The following DOCK3 variants were observed in gnomAD, a reference collection of about 807,000 sequenced individuals.
DOCK3 encodes dedicator of cytokinesis 3.
DOCK3 carries 60 observed loss-of-function variants against 265.6 expected under a neutral mutation model. The ratio of observed to expected loss-of-function variants is 0.23; its 90% confidence interval spans 0.18 to 0.28. The LOEUF (loss-of-function observed/expected upper bound fraction) is 0.28. Among genes scored for constraint, DOCK3 ranks in the 10% least tolerant of loss-of-function variants. The probability of loss-of-function intolerance (pLI) is 1.00; values close to 1 mark genes in which losing one functional copy is unlikely to be tolerated. For missense variants in DOCK3, 1,981 were observed against 2,594.3 expected (o/e 0.76, Z 5.14); for synonymous variants, 881 against 938.0 (o/e 0.94, Z 1.11).
intron 9 of DOCK3, among the ~76,000 whole-genome samples, chr3:51,110,985 C>T (rs1560076359): frequency 6.6e-6 from 1 of 152,166 alleles, no homozygotes. Context: ...AGCAAAGTTT[C>T]AGAATACAAA....
At chr3:51,176,776 G>C (rs1343266143) in intron 12 of DOCK3, among the ~76,000 whole-genome samples, 3 of 152,128 alleles carry the variant, frequency 2.0e-5, no homozygotes, top group South Asian at 4.1e-4. Flanking sequence ...CTATGAACTA[G>C]TGAATCAAAT....
chr3:50,820,822 ATC>A (rs1333906933), intron 2 of DOCK3, among the ~76,000 whole-genome samples: 1 of 94,096 alleles, frequency 1.1e-5, no homozygotes, highest in African/African-American at 3.7e-5. Flanking sequence ...CCTTGCTGGC[ATC>A]TTTTTTTTTT....
chr3:50,707,020 A>G (rs1397290946), intron 1 of DOCK3, among the ~76,000 whole-genome samples: 3 of 152,018 alleles, frequency 2.0e-5, no homozygotes, highest in Non-Finnish European at 4.4e-5. Context: ...TTGTTTAAAA[A>G]TGTGTAGTGT....
chr3:50,841,003 C>G (rs572838963), intron 2 of DOCK3, among the ~76,000 whole-genome samples: 2 of 152,168 alleles, frequency 1.3e-5, no homozygotes, highest in Non-Finnish European at 2.9e-5. Flanking sequence ...TTAAATACAA[C>G]TCTTGGCTTC....
intron 5 of DOCK3, among the ~76,000 whole-genome samples, chr3:51,041,740 T>C (rs899279997): frequency 6.6e-6 from 1 of 152,122 alleles, no homozygotes; most frequent in Non-Finnish European, 1.5e-5. Flanking sequence ...AATATTCTAG[T>C]AAACTAGCTG....
At chr3:51,307,521 T>C (rs1054020209) in intron 27 of DOCK3, among the ~76,000 whole-genome samples, 1 of 152,236 alleles carries the variant, frequency 6.6e-6, no homozygotes. Context: ...CTTAAATGCC[T>C]TAAATCAATA....
rs557177000 is a variant in DOCK3, at chr3:50,793,677, T to C, written c.121+14919T>C. Among the ~76,000 whole-genome samples the C allele has an allele frequency of 4.6e-5, 7 of 152,286 alleles. 2 individuals carry two copies. Among genetic ancestry groups the C allele is most frequent in the African/African-American group, 1.7e-4 (7 of 41,570 alleles). On this transcript the variant is annotated intron_variant, in intron 2 of 52. Coordinates refer to ENST00000266037, the MANE Select transcript of DOCK3 (RefSeq NM_004947.5). ...CTGGCCTATTTTATTAATTTTCTTT[T>C]CAAAAATTCAACCCCTGCCTTCAAT... is the stretch of plus-strand genomic sequence containing the variant.
chr3:50,701,769 A>G (rs1424020594), intron 1 of DOCK3, among the ~76,000 whole-genome samples: 1 of 152,152 alleles, frequency 6.6e-6, no homozygotes, highest in Non-Finnish European at 1.5e-5. Flanking sequence ...GTCTAGTTTC[A>G]TTCTTCTACA....
intron 9 of DOCK3, among the ~76,000 whole-genome samples, chr3:51,142,258 C>T (rs891421522): frequency 1.3e-5 from 2 of 152,184 alleles, no homozygotes; most frequent in East Asian, 3.9e-4. Flanking sequence ...GTAATTTATA[C>T]ACAGTAAAAT....
chr3:51,321,658 C>A (rs150057024), intron 32 of DOCK3, among the ~76,000 whole-genome samples: 1 of 152,006 alleles, frequency 6.6e-6, no homozygotes, highest in Non-Finnish European at 1.5e-5. Context: ...CTGAAAAACA[C>A]GGCACGAGAA....
chr3:51,305,834 C>CTTTTTTTTTTTTTTTTTTTT (rs761039681), intron 27 of DOCK3, among the ~76,000 whole-genome samples: 1 of 50,554 alleles, frequency 2.0e-5, no homozygotes, highest in Non-Finnish European at 3.2e-5. Context: ...ATTTCTTCTT[C>CTTTTTTTTTTTTTTTTTTTT]TTTTTTTTTT....
intron 5 of DOCK3, among the ~76,000 whole-genome samples, chr3:50,955,232 G>A (rs1027594336): frequency 6.6e-6 from 1 of 152,174 alleles, no homozygotes; most frequent in Non-Finnish European, 1.5e-5. Flanking sequence ...ACACACTGTT[G>A]GTGGGAGTGT....
At chr3:51,038,871 A>G (rs2080371157) in intron 5 of DOCK3, among the ~76,000 whole-genome samples, 1 of 151,046 alleles carries the variant, frequency 6.6e-6, no homozygotes, top group African/African-American at 2.4e-5. Context: ...CATGTATTCT[A>G]GTTTTTTTTT....
intron 2 of DOCK3, among the ~76,000 whole-genome samples, chr3:50,799,658 G>T (rs1414811432): frequency 1.3e-5 from 2 of 152,102 alleles, no homozygotes; most frequent in Non-Finnish European, 2.9e-5. Context: ...TGCAAACAGG[G>T]ACAGTTTGGC....
At chr3:50,771,633 C>T (rs1049903618) in intron 1 of DOCK3, among the ~76,000 whole-genome samples, 3 of 152,062 alleles carry the variant, frequency 2.0e-5, no homozygotes, top group African/African-American at 7.2e-5. Context: ...GGGTGGATCA[C>T]GAGGTCAGGA....
At chr3:50,772,465 C>CA (rs1376584686) in intron 1 of DOCK3, among the ~76,000 whole-genome samples, 2 of 152,156 alleles carry the variant, frequency 1.3e-5, no homozygotes, top group Non-Finnish European at 2.9e-5. Flanking sequence ...GTTTGTAACT[C>CA]AAAGGATAAA....
At chr3:50,821,385 C>T (rs1030599988) in intron 2 of DOCK3, among the ~76,000 whole-genome samples, 4 of 151,818 alleles carry the variant, frequency 2.6e-5, no homozygotes, top group African/African-American at 4.8e-5. Flanking sequence ...CTGCAAGCTC[C>T]GCCTCCCGGG....
chr3:51,289,915 C>T (rs1452691506), intron 27 of DOCK3, among the ~76,000 whole-genome samples: 1 of 152,122 alleles, frequency 6.6e-6, no homozygotes, highest in African/African-American at 2.4e-5. Context: ...ATTTATGCAG[C>T]CAACAGACAC....
chr3:50,989,831 T>G (rs944698358), intron 5 of DOCK3, among the ~76,000 whole-genome samples: 2 of 152,056 alleles, frequency 1.3e-5, no homozygotes, highest in African/African-American at 4.8e-5. Flanking sequence ...AAATAGAATT[T>G]GAATATGGAT....
Sources: gnomAD v4.1 joint callset for allele counts (sites outside exome capture counted in the v4.1 genomes callset) on GRCh38, gnomAD v4.1.1 for gene constraint, MANE v1.5 for transcripts, NCBI Gene and HGNC (gene_info 2026-07-23, HGNC 2026-07-21) for gene names.